The following ME1 variants were observed in gnomAD, a reference collection of about 807,000 sequenced individuals.
ME1 encodes malic enzyme 1, also known as NADP-dependent malic enzyme.
Under a neutral mutation model 66.4 loss-of-function variants are expected in ME1, and 74 were observed. The observed-to-expected ratio is 1.11, with a 90% CI of 0.92 to 1.35. The LOEUF is 1.35. ME1 is among the 40% of genes most tolerant of loss of function. The pLI is 0.00. For synonymous variants in ME1, 251 were observed against 235.6 expected, an observed-to-expected ratio of 1.07 and a Z score of -0.60; for missense variants, 750 against 694.1, an observed-to-expected ratio of 1.08 and a Z score of -0.90.
At chr6:83,363,954 A>T (rs1769052142) in intron 3 of ME1, among the ~76,000 whole-genome samples, 1 of 152,216 alleles carries the variant, frequency 6.6e-6, no homozygotes, top group African/African-American at 2.4e-5. Flanking sequence ...TTTGAAGATT[A>T]TGTATGATCT....
chr6:83,322,301 G>C (rs1350473414), intron 5 of ME1, among the ~76,000 whole-genome samples: 1 of 152,188 alleles, frequency 6.6e-6, no homozygotes, highest in Non-Finnish European at 1.5e-5. Flanking sequence ...GATGGAGAAT[G>C]AGTTTGACTA....
At chr6:83,308,625 C>G (rs533418581) in intron 6 of ME1, among the ~76,000 whole-genome samples, 12 of 150,582 alleles carry the variant, frequency 8.0e-5, no homozygotes, top group Non-Finnish European at 1.3e-4. Flanking sequence ...GCTATATAAA[C>G]AAAACAAATC....
At chr6:83,407,088 C>G (rs1048069509) in intron 2 of ME1, among the ~76,000 whole-genome samples, 3 of 152,078 alleles carry the variant, frequency 2.0e-5, no homozygotes, top group South Asian at 2.1e-4. Context: ...TTGGCTACCT[C>G]TTTTAACCCT....
intron 6 of ME1, among the ~76,000 whole-genome samples, chr6:83,290,879 C>T (rs2128534806): frequency 6.6e-6 from 1 of 152,234 alleles, no homozygotes; most frequent in Middle Eastern, 3.4e-3. Flanking sequence ...TATGTAATGG[C>T]CTTGTCTCTT....
intron 6 of ME1, among the ~76,000 whole-genome samples, chr6:83,254,957 C>A (rs1354627980): frequency 6.6e-6 from 1 of 152,120 alleles, no homozygotes; most frequent in Non-Finnish European, 1.5e-5. Flanking sequence ...CATTATAATT[C>A]AAGGACAGTC....
At chr6:83,259,735 G>A (rs1766849179) in intron 6 of ME1, among the ~76,000 whole-genome samples, 1 of 152,132 alleles carries the variant, frequency 6.6e-6, no homozygotes, top group Non-Finnish European at 1.5e-5. Flanking sequence ...TATGGCTTTT[G>A]CTCCTACTAC....
At chr6:83,307,926 T>C (rs935344639) in intron 6 of ME1, among the ~76,000 whole-genome samples, 10 of 152,152 alleles carry the variant, frequency 6.6e-5, no homozygotes, top group African/African-American at 2.4e-4. Context: ...TCACAGGCTA[T>C]ATATCTTGAA....
At chr6:83,298,239 T>C (rs555004415) in intron 6 of ME1, among the ~76,000 whole-genome samples, 1 of 152,334 alleles carries the variant, frequency 6.6e-6, no homozygotes, top group East Asian at 1.9e-4. Context: ...TTCTTGACTT[T>C]TTAATAATCA....
chr6:83,249,864 TC>T (rs539841986), intron 7 of ME1, among the ~76,000 whole-genome samples: 47 of 152,278 alleles, frequency 3.1e-4, no homozygotes, highest in African/African-American at 1.1e-3. Context: ...TCTAGGCCTT[TC>T]CCCCATCTAA....
At chr6:83,411,604 A>G (rs1045515187) in intron 1 of ME1, among the ~76,000 whole-genome samples, 3 of 152,216 alleles carry the variant, frequency 2.0e-5, no homozygotes, top group African/African-American at 7.2e-5. Flanking sequence ...TAAAGTTTGA[A>G]GTAAAATAGT....
At chr6:83,321,007 G>A (rs531889858) in intron 5 of ME1, among the ~76,000 whole-genome samples, 4 of 152,302 alleles carry the variant, frequency 2.6e-5, no homozygotes, top group Non-Finnish European at 5.9e-5. Flanking sequence ...CAGAGGGCAA[G>A]GAGAAGCAGG....
At chr6:83,396,428 A>T (rs1030144368) in intron 3 of ME1, among the ~76,000 whole-genome samples, 1 of 152,192 alleles carries the variant, frequency 6.6e-6, no homozygotes, top group African/African-American at 2.4e-5. Context: ...AAGAGGTGAA[A>T]TATCTGTATG....
intron 5 of ME1, among the ~76,000 whole-genome samples, chr6:83,317,460 CTGTT>C (rs1288185779): frequency 2.3e-4 from 35 of 151,554 alleles, no homozygotes; most frequent in Admixed American, 2.2e-3. Context: ...ATTTGGCTCT[CTGTT>C]TGTCTGTTGT....
intron 9 of ME1, among the ~76,000 whole-genome samples, chr6:83,231,255 T>C (rs889952615): frequency 3.9e-5 from 6 of 152,118 alleles, no homozygotes; most frequent in African/African-American, 1.4e-4. Flanking sequence ...AATCATAGTA[T>C]ACCCACTGGC....
At chr6:83,224,002 A>G in intron 11 of ME1, 69 bp from the exon 12 acceptor site, 3 of 1,350,564 alleles carry the variant, frequency 2.2e-6, no homozygotes, top group Non-Finnish European at 3.1e-6. Context: ...GTATCATAAC[A>G]GAACTACCCC....
At position 83,227,406 on chromosome 6, in the gene ME1, T is replaced by C. The variant is rs1790217499; in HGVS notation, c.1204A>G (p.Ile402Val). Residue 402 changes from isoleucine to valine, a missense_variant, in exon 11 of 14, where the codon ATT (isoleucine) becomes GTT (valine). By Grantham distance (29) the Ile-to-Val change is conservative (BLOSUM62 3). Transcript: ENST00000369705. The part of the protein sequence containing the change: ...KDMAAFNERP[I>V]IFALSNPTSK... ...GTTGGATTACTCAAAGCAAAAATAA[T>C]AGGCCGTTCATTGAAGGCAGCCATA... 3 of 1,606,886 alleles carry C rather than the reference T, an allele frequency of 1.9e-6. No homozygotes were observed. Among genetic ancestry groups the C allele is most frequent in the Non-Finnish European group, 2.6e-6 (3 of 1,175,314 alleles).
Position 83,344,542 on chromosome 6 carries a change from CAG to C in ME1, c.600+1629_600+1630del, listed in dbSNP as rs764993079. On this transcript the variant is annotated intron_variant, in intron 5 of 13. Transcript: ENST00000369705. ...AAGCTGCAGTGAGCCATGATCATGACAGTGCACTCTAGCCTGGGCAACAACAG... is the reference window on the plus strand; with the variant it reads ...AAGCTGCAGTGAGCCATGATCATGACTGCACTCTAGCCTGGGCAACAACAG... Among the ~76,000 whole-genome samples the C allele has an allele frequency of 4.6e-5, 7 of 151,052 alleles. No individual in the cohort carries two copies. The South Asian group carries it at 1.3e-3, about 27-fold the overall frequency.
At chr6:83,371,879 A>T (rs1000279242) in intron 3 of ME1, among the ~76,000 whole-genome samples, 1 of 152,146 alleles carries the variant, frequency 6.6e-6, no homozygotes, top group Non-Finnish European at 1.5e-5. Flanking sequence ...CTTGGTTCAG[A>T]ATAGAGTTCT....
chr6:83,398,987 T>TTTTA (rs972512216), intron 2 of ME1, among the ~76,000 whole-genome samples: 26 of 152,068 alleles, frequency 1.7e-4, no homozygotes, highest in African/African-American at 3.4e-4. Flanking sequence ...TTATTTTTTA[T>TTTTA]TTTATTTATT....
Sources: gnomAD v4.1 joint callset for allele counts (sites outside exome capture counted in the v4.1 genomes callset) on GRCh38, gnomAD v4.1.1 for gene constraint, MANE v1.5 for transcripts, NCBI Gene and HGNC (gene_info 2026-07-23, HGNC 2026-07-21) for gene names.